The following TP53BP2 variants were observed in gnomAD, a reference collection of about 807,000 sequenced individuals.
TP53BP2 encodes apoptosis-stimulating of p53 protein 2.
TP53BP2 carries 62 observed loss-of-function variants against 126.2 expected under a neutral mutation model. That is an observed-to-expected ratio of 0.49 (90% CI 0.40 to 0.61). The LOEUF is 0.61. TP53BP2 is among the 20% of genes least tolerant of loss of function. The probability of loss-of-function intolerance (pLI) is 0.00; values close to 1 mark genes in which losing one functional copy is unlikely to be tolerated. For missense variants in TP53BP2, 1,215 were observed against 1,402.8 expected, an observed-to-expected ratio of 0.87 and a Z score of 2.14; for synonymous variants, 485 against 502.9, an observed-to-expected ratio of 0.96 and a Z score of 0.48.
chr1:223,831,268 C>T (rs1374078390), intron 1 of TP53BP2, among the ~76,000 whole-genome samples: 2 of 148,292 alleles, frequency 1.3e-5, no homozygotes, highest in African/African-American at 5.0e-5. Context: ...GTAGCATGTA[C>T]CTGTAGTCCG....
At chr1:223,831,760 TAAAA>T (rs11327599) in intron 1 of TP53BP2, among the ~76,000 whole-genome samples, 10 of 121,600 alleles carry the variant, frequency 8.2e-5, no homozygotes, top group African/African-American at 2.1e-4. Flanking sequence ...GAAGGAAAGA[TAAAA>T]AAAAAAAAAA....
intron 2 of TP53BP2, among the ~76,000 whole-genome samples, chr1:223,818,510 A>T (rs1663175260): frequency 6.6e-6 from 1 of 151,682 alleles, no homozygotes; most frequent in Non-Finnish European, 1.5e-5. Flanking sequence ...CTCAAAAAAA[A>T]AAAAAAAGAA....
intron 1 of TP53BP2, among the ~76,000 whole-genome samples, chr1:223,826,648 C>A (rs1398690643): frequency 6.6e-6 from 1 of 152,094 alleles, no homozygotes; most frequent in Non-Finnish European, 1.5e-5. Context: ...TTAAATACCA[C>A]TGAATTACGT....
chr1:223,779,903 C>G lies in TP53BP2; in HGVS notation c.*950G>C, dbSNP rs1472325559. 6.6e-6 allele frequency: 1 copy of G among 152,212 alleles called. No homozygotes were observed. The highest frequency in any genetic ancestry group is 2.4e-5 in the African/African-American group (1 of 41,448). The allele number at this position is 152,212 out of a possible 1,614,324, so 9.4% of individuals were successfully genotyped here. ...TAAAGTAGGCTTCTATCACCATGAT[C>G]TCTACAGTATTTTATTTTAAAAACC... On this transcript the variant is annotated 3_prime_UTR_variant, in exon 18 of 18. Transcript: ENST00000343537.
intron 4 of TP53BP2, among the ~76,000 whole-genome samples, chr1:223,808,433 C>T (rs1153927): frequency 0.12 from 18,369 of 151,478 alleles, 1,460 homozygotes; most frequent in East Asian, 0.21. Flanking sequence ...CCCAGCTACT[C>T]GGGAAGCTGA....
Position 223,836,622 on chromosome 1 carries a change from T to C in TP53BP2, c.27+9032A>G, listed in dbSNP as rs886659284. On this transcript the variant is annotated intron_variant, in intron 1 of 17. Coordinates refer to ENST00000343537, the MANE Select transcript of TP53BP2 (RefSeq NM_001031685.3). ...GAATTCTGGAGAGGGAAGAGACACA[T>C]TGCTGTTTCAGAAAGACCACCAGGG... is the stretch of plus-strand genomic sequence containing the variant. Among the ~76,000 whole-genome samples, 44 of 152,164 alleles carry C rather than the reference T, an allele frequency of 2.9e-4. 1 individual carries two copies. The highest frequency in any genetic ancestry group is 5.9e-5 in the Non-Finnish European group (4 of 68,026).
At position 223,779,913 on chromosome 1, in the gene TP53BP2, T is replaced by C. The variant is rs1661713309; in HGVS notation, c.*940A>G. 1 of 152,224 alleles carries C rather than the reference T, an allele frequency of 6.6e-6. No homozygotes were observed. The highest frequency in any genetic ancestry group is 6.5e-5 in the Admixed American group (1 of 15,272). The allele number at this position is 152,224 out of a possible 1,614,324, so 9.4% of individuals were successfully genotyped here. A position where few individuals can be genotyped will look rare whatever the true frequency, so the allele number is the denominator to read the frequency against. On this transcript the variant is annotated 3_prime_UTR_variant, in exon 18 of 18. Transcript: ENST00000343537. ...TTCTATCACCATGATCTCTACAGTATTTTATTTTAAAAACCACTTACATTG... is the reference window on the plus strand; with the variant it reads ...TTCTATCACCATGATCTCTACAGTACTTTATTTTAAAAACCACTTACATTG...
At chr1:223,828,564 C>T (rs1203503023) in intron 1 of TP53BP2, among the ~76,000 whole-genome samples, 2 of 152,080 alleles carry the variant, frequency 1.3e-5, no homozygotes, top group African/African-American at 4.8e-5. Context: ...TATCTTGCCT[C>T]AAATTTAGTC....
chr1:223,807,134 T>C (rs1405884987), intron 4 of TP53BP2, among the ~76,000 whole-genome samples, 187 bp from the exon 5 acceptor site: 2 of 152,228 alleles, frequency 1.3e-5, no homozygotes, highest in South Asian at 4.1e-4. Flanking sequence ...ATTGACTTTT[T>C]AAGATGTAAT....
chr1:223,797,420 T>C (rs1009164676), intron 12 of TP53BP2, among the ~76,000 whole-genome samples: 1 of 152,058 alleles, frequency 6.6e-6, no homozygotes, highest in African/African-American at 2.4e-5. Flanking sequence ...TATGTACGTA[T>C]GTATGTTTTT....
rs1263724648 is a variant in TP53BP2, at chr1:223,845,922, G to A, written c.-242C>T. 4 of 259,440 alleles carry A rather than the reference G, an allele frequency of 1.5e-5. No individual in the cohort carries two copies. The highest frequency in any genetic ancestry group is 7.2e-5 in the East Asian group (1 of 13,906). The allele number at this position is 259,440 out of a possible 1,614,324, so 16.1% of individuals were successfully genotyped here. ...TGTCTCTTCGACGCTCGTGACGGTC[G>A]GGGCTCCCTCCTCCGCTCCGAAACC... On this transcript the variant is annotated 5_prime_UTR_variant, in exon 1 of 18. Coordinates refer to ENST00000343537, the MANE Select transcript of TP53BP2 (RefSeq NM_001031685.3).
chr1:223,842,037 G>A (rs976561052), intron 1 of TP53BP2, among the ~76,000 whole-genome samples: 4 of 151,908 alleles, frequency 2.6e-5, no homozygotes, highest in African/African-American at 9.7e-5. Context: ...CGCCTCTAGG[G>A]TTCAAGATTC....
At chr1:223,825,181 G>C (rs1663450948) in intron 1 of TP53BP2, among the ~76,000 whole-genome samples, 1 of 151,972 alleles carries the variant, frequency 6.6e-6, no homozygotes, top group Non-Finnish European at 1.5e-5. Flanking sequence ...ACAGTCAAAG[G>C]TTTTGTCTTT....
chr1:223,790,087 C>T (rs1383521741), intron 15 of TP53BP2, among the ~76,000 whole-genome samples: 1 of 151,856 alleles, frequency 6.6e-6, no homozygotes, highest in Non-Finnish European at 1.5e-5. Flanking sequence ...GCCTGGCCAA[C>T]ATGGTAAAAC....
intron 1 of TP53BP2, among the ~76,000 whole-genome samples, chr1:223,837,155 A>AGCGGGGGGGGGGGGG (rs1558111841): frequency 1.3e-5 from 1 of 76,688 alleles, no homozygotes; most frequent in Non-Finnish European, 2.7e-5. Context: ...TAAAAAAAAA[A>AGCGGGGGGGGGGGGG]GGGGGGGGGC....
chr1:223,793,124 C>T (rs1026421879), intron 14 of TP53BP2, among the ~76,000 whole-genome samples, 179 bp downstream of exon 14: 4 of 152,148 alleles, frequency 2.6e-5, no homozygotes, highest in African/African-American at 7.2e-5. Flanking sequence ...CTGAACACAA[C>T]CCCACAATGC....
chr1:223,798,821 C>T (rs1487663189), intron 11 of TP53BP2, 144 bp from the exon 12 acceptor site: 1 of 738,760 alleles, frequency 1.4e-6, no homozygotes, highest in African/African-American at 1.8e-5. Flanking sequence ...CCTGTAATCC[C>T]AGCACTTTGG....
chr1:223,813,708 G>A (rs961049504), intron 3 of TP53BP2, among the ~76,000 whole-genome samples: 2 of 152,086 alleles, frequency 1.3e-5, no homozygotes, highest in Non-Finnish European at 2.9e-5. Context: ...TGGTCTCATG[G>A]TCTCTAATCT....
chr1:223,842,258 C>T (rs1664125330), intron 1 of TP53BP2, among the ~76,000 whole-genome samples: 3 of 152,146 alleles, frequency 2.0e-5, no homozygotes, highest in African/African-American at 7.2e-5. Flanking sequence ...TTCTTAAAAC[C>T]ATCTATATAA....
Sources: gnomAD v4.1 joint callset for allele counts (sites outside exome capture counted in the v4.1 genomes callset) on GRCh38, gnomAD v4.1.1 for gene constraint, MANE v1.5 for transcripts, NCBI Gene and HGNC (gene_info 2026-07-23, HGNC 2026-07-21) for gene names.